ZFYVE9: variants seen among roughly 807,000 people sequenced by gnomAD.
ZFYVE9 encodes the protein zinc finger FYVE domain-containing protein 9.
Under a neutral mutation model 126.7 loss-of-function variants are expected in ZFYVE9, and 43 were observed. The observed-to-expected ratio is 0.34, with a 90% CI of 0.27 to 0.44. The LOEUF (loss-of-function observed/expected upper bound fraction) is 0.44. Ranked by LOEUF, ZFYVE9 falls within the 20% of genes least tolerant of loss-of-function variation. The probability of loss-of-function intolerance (pLI) is 1.00; values close to 1 mark genes in which losing one functional copy is unlikely to be tolerated. For missense variants in ZFYVE9, 1,476 were observed against 1,697.0 expected (o/e 0.87, Z 2.29); for synonymous variants, 521 against 597.4 (o/e 0.87, Z 1.87).
chr1:52,298,572 G>A (rs1490936622), intron 12 of ZFYVE9, among the ~76,000 whole-genome samples: 2 of 152,100 alleles, frequency 1.3e-5, no homozygotes, highest in African/African-American at 4.8e-5. Context: ...TGGTCAGGTA[G>A]TGTGATATCT....
At chr1:52,221,868 G>T (rs994142039) in intron 2 of ZFYVE9, among the ~76,000 whole-genome samples, 2 of 152,184 alleles carry the variant, frequency 1.3e-5, no homozygotes, top group African/African-American at 4.8e-5. Context: ...ACAGGGTCTG[G>T]TCTTTCTTGA....
intron 1 of ZFYVE9, among the ~76,000 whole-genome samples, chr1:52,158,355 G>A (rs1311265593): frequency 6.6e-6 from 1 of 152,140 alleles, no homozygotes; most frequent in Non-Finnish European, 1.5e-5. Context: ...CTATTATCAT[G>A]GCATCTAGGA....
intron 10 of ZFYVE9, among the ~76,000 whole-genome samples, chr1:52,282,557 G>T (rs1419346183): frequency 6.6e-6 from 1 of 152,108 alleles, no homozygotes; most frequent in Non-Finnish European, 1.5e-5. Flanking sequence ...GGTGACCGGG[G>T]TATTAAAACT....
chr1:52,284,740 A>G (rs933701741), intron 10 of ZFYVE9, among the ~76,000 whole-genome samples: 7 of 152,242 alleles, frequency 4.6e-5, no homozygotes, highest in Non-Finnish European at 1.0e-4. Flanking sequence ...TTTAAAAAGG[A>G]TACTTATATG....
intron 1 of ZFYVE9, among the ~76,000 whole-genome samples, chr1:52,207,512 C>G (rs548078582): frequency 1.3e-5 from 2 of 152,126 alleles, no homozygotes; most frequent in Non-Finnish European, 2.9e-5. Flanking sequence ...CTTCCCAGAT[C>G]CTATTCTCTT....
intron 1 of ZFYVE9, among the ~76,000 whole-genome samples, chr1:52,214,859 CAG>C (rs1428429673): frequency 6.6e-6 from 1 of 152,170 alleles, no homozygotes; most frequent in South Asian, 2.1e-4. Context: ...CTCAACCAAT[CAG>C]AGAGAATTCC....
At chr1:52,145,004 A>G (rs535466929) in intron 1 of ZFYVE9, among the ~76,000 whole-genome samples, 1 of 152,360 alleles carries the variant, frequency 6.6e-6, no homozygotes. Context: ...CAAGGGCTCT[A>G]CTAAACTTGT....
intron 13 of ZFYVE9, among the ~76,000 whole-genome samples, chr1:52,319,316 G>A (rs1270483157): frequency 2.0e-5 from 3 of 151,962 alleles, no homozygotes; most frequent in African/African-American, 4.8e-5. Flanking sequence ...ATCAAAATAC[G>A]AGTAGGCTTT....
At chr1:52,215,563 C>G (rs1226045459) in intron 1 of ZFYVE9, among the ~76,000 whole-genome samples, 1 of 152,092 alleles carries the variant, frequency 6.6e-6, no homozygotes, top group Non-Finnish European at 1.5e-5. Context: ...CTCCAAGATA[C>G]TTACGTGTTC....
chr1:52,176,239 G>A (rs538571749), intron 1 of ZFYVE9, among the ~76,000 whole-genome samples: 2 of 152,346 alleles, frequency 1.3e-5, no homozygotes, highest in South Asian at 4.1e-4. Flanking sequence ...CTGCAGGTCT[G>A]TTGGAGTTTG....
chr1:52,152,706 A>C (rs752051534), intron 1 of ZFYVE9, among the ~76,000 whole-genome samples: 12 of 152,176 alleles, frequency 7.9e-5, no homozygotes, highest in Non-Finnish European at 1.6e-4. Context: ...TCACTTTGTG[A>C]TCTTGGGCAA....
chr1:52,223,634 C>T (rs1372294873), intron 2 of ZFYVE9, among the ~76,000 whole-genome samples: 1 of 152,114 alleles, frequency 6.6e-6, no homozygotes, highest in Non-Finnish European at 1.5e-5. Context: ...CTTATCTGTT[C>T]CTTAAGTCTA....
chr1:52,205,412 G>C (rs970246507), intron 1 of ZFYVE9, among the ~76,000 whole-genome samples: 2 of 151,882 alleles, frequency 1.3e-5, no homozygotes, highest in Non-Finnish European at 2.9e-5. Context: ...TCACTCTGTT[G>C]CCGAGTCTGG....
At chr1:52,186,853 A>G (rs1302615484) in intron 1 of ZFYVE9, among the ~76,000 whole-genome samples, 2 of 152,264 alleles carry the variant, frequency 1.3e-5, no homozygotes, top group African/African-American at 2.4e-5. Context: ...TTCCATGATT[A>G]TGGATAGGAA....
chr1:52,164,594 A>C (rs1164691520), intron 1 of ZFYVE9, among the ~76,000 whole-genome samples: 1 of 152,174 alleles, frequency 6.6e-6, no homozygotes, highest in Admixed American at 6.5e-5. Flanking sequence ...ATATCTTTAT[A>C]CATCTGTCTG....
At chr1:52,266,365 G>A (rs1645632859) in intron 5 of ZFYVE9, among the ~76,000 whole-genome samples, 2 of 139,412 alleles carry the variant, frequency 1.4e-5, no homozygotes, top group Admixed American at 1.5e-4. Flanking sequence ...CCAAAGTGCC[G>A]GGATTAGAAG....
intron 9 of ZFYVE9, among the ~76,000 whole-genome samples, chr1:52,281,301 T>C (rs1645801806): frequency 6.6e-6 from 1 of 151,906 alleles, no homozygotes. Context: ...CCCAGCTAAT[T>C]TTTTTGTATT....
rs569535122 is a variant in ZFYVE9 at position 52,343,683 on chromosome 1, G to A, written c.3940-1085G>A. Among the ~76,000 whole-genome samples, 6 of 151,886 alleles carry A rather than the reference G, an allele frequency of 4.0e-5. No individual in the cohort carries two copies. The South Asian group carries it at 1.2e-3, about 32-fold the overall frequency. On this transcript the variant is annotated intron_variant, in intron 17 of 18. Coordinates refer to ENST00000287727, the MANE Select transcript of ZFYVE9 (RefSeq NM_004799.4). The stretch of plus-strand genomic sequence containing the variant: ...AGGCAAGAGAATTGCTGGAACCCAG[G>A]AGGTGGAGGTTGCACTGAACTGAGA...
chr1:52,239,177 T>C lies in ZFYVE9; in HGVS notation c.1760T>C (p.Leu587Pro), dbSNP rs1373724075. 3.1e-6 allele frequency: 5 copies of C among 1,614,012 alleles called. No individual in the cohort carries two copies. The highest frequency in any genetic ancestry group is 4.2e-6 in the Non-Finnish European group (5 of 1,180,022). The part of the protein sequence containing the change: ...GGARPKQPSN[L>P]KLQIPKPLSD... ...GCAAGACCCAAGCAACCTTCTAATC[T>C]TAAACTTCAAATTCCAAAGCCATTA... The change falls in exon 4 of 19, where the codon CTT becomes CCT. Residue 587 changes from leucine to proline, a missense_variant. Physicochemically the swap from Leu to Pro is moderately conservative, Grantham distance 98. Coordinates refer to ENST00000287727, the MANE Select transcript of ZFYVE9 (RefSeq NM_004799.4).
Sources: allele counts gnomAD v4.1 joint callset (sites outside exome capture counted in the v4.1 genomes callset), GRCh38; gene constraint gnomAD v4.1.1; transcripts MANE v1.5; gene names NCBI Gene and HGNC (gene_info 2026-07-23, HGNC 2026-07-21).